SFRP1: variants seen among roughly 807,000 people sequenced by gnomAD.
SFRP1 encodes the protein secreted frizzled related protein 1, also known as secreted frizzled-related protein 1.
SFRP1 carries 9 observed loss-of-function variants against 25.9 expected under a neutral mutation model. That is an observed-to-expected ratio of 0.35 (90% confidence interval 0.21 to 0.61). The LOEUF is 0.61. SFRP1 is among the 20% of genes least tolerant of loss of function. The pLI, the probability that SFRP1 is intolerant of heterozygous loss-of-function variation, is 0.78. For missense variants in SFRP1, 346 were observed against 418.2 expected, an observed-to-expected ratio of 0.83 and a Z score of 1.51; for synonymous variants, 178 against 174.0, an observed-to-expected ratio of 1.02 and a Z score of -0.18.
intron 2 of SFRP1, among the ~76,000 whole-genome samples, chr8:41,288,554 AAAAAAAAAAAAAAAC>A (rs2117502507): frequency 6.9e-6 from 1 of 144,614 alleles, no homozygotes; most frequent in East Asian, 2.0e-4. Context: ...AAAAAAAAAA[AAAAAAAAAAAAAAAC>A]TGCAATGCAC....
At chr8:41,282,034 G>T (rs992319518) in intron 2 of SFRP1, among the ~76,000 whole-genome samples, 3 of 152,196 alleles carry the variant, frequency 2.0e-5, no homozygotes, top group Non-Finnish European at 4.4e-5. Flanking sequence ...GGCCAAGGGC[G>T]CAAAAGGTGG....
chr8:41,268,946 G>A (rs1337726824), intron 2 of SFRP1, among the ~76,000 whole-genome samples: 1 of 152,212 alleles, frequency 6.6e-6, no homozygotes. Context: ...GTAGCAGCTG[G>A]GGCAACAGCT....
intron 2 of SFRP1, among the ~76,000 whole-genome samples, chr8:41,292,972 CCTT>C (rs939172604): frequency 1.3e-5 from 2 of 152,350 alleles, no homozygotes; most frequent in African/African-American, 4.8e-5. Context: ...GGTCGAGACT[CCTT>C]CTAGCCAGCC....
chr8:41,278,278 G>A (rs1386601129), intron 2 of SFRP1, among the ~76,000 whole-genome samples: 1 of 152,210 alleles, frequency 6.6e-6, no homozygotes, highest in African/African-American at 2.4e-5. Flanking sequence ...TGGATAGCAA[G>A]AGGCAGCACA....
chr8:41,281,280 G>T (rs946404626), intron 2 of SFRP1, among the ~76,000 whole-genome samples: 1 of 152,240 alleles, frequency 6.6e-6, no homozygotes, highest in Non-Finnish European at 1.5e-5. Context: ...TCACCAGCAA[G>T]CTTTGCCCTG....
Position 41,265,152 on chromosome 8 carries a change from C to G in SFRP1, c.*15G>C. On this transcript the variant is annotated 3_prime_UTR_variant, in exon 3 of 3. Transcript: ENST00000220772. ...CCCCACCCGAGGCTCCCTCCCCACC[C>G]TGCCCCCGGGAGAATCACTTAAACA... 1.3e-6 allele frequency: 2 copies of G among 1,484,502 alleles called. No homozygotes were observed. The highest frequency in any genetic ancestry group is 9.1e-7 in the Non-Finnish European group (1 of 1,093,122). 92.0% of individuals were successfully genotyped at this position (1,484,502 alleles called of 1,614,324 possible). A position where few individuals can be genotyped will look rare whatever the true frequency, so the allele number is the denominator to read the frequency against.
intron 2 of SFRP1, among the ~76,000 whole-genome samples, chr8:41,302,268 C>T (rs1257636248): frequency 6.6e-6 from 1 of 152,168 alleles, no homozygotes; most frequent in Non-Finnish European, 1.5e-5. Flanking sequence ...CTCTGGTGGC[C>T]ATCTACATCC....
intron 2 of SFRP1, among the ~76,000 whole-genome samples, chr8:41,303,071 AAAG>A (rs1803947164): frequency 1.3e-5 from 2 of 149,622 alleles, no homozygotes; most frequent in Admixed American, 6.6e-5. Flanking sequence ...AAAAAAAAAA[AAAG>A]AGCCAGTCCG....
intron 2 of SFRP1, among the ~76,000 whole-genome samples, chr8:41,275,509 G>GT (rs34725036): frequency 0.16 from 22,542 of 142,910 alleles, 2,829 homozygotes; most frequent in East Asian, 0.38. Flanking sequence ...AACTCTTTTT[G>GT]TTTTTTTTTT....
At chr8:41,273,385 G>C (rs1233698917) in intron 2 of SFRP1, among the ~76,000 whole-genome samples, 2 of 132,046 alleles carry the variant, frequency 1.5e-5, no homozygotes, top group Non-Finnish European at 3.5e-5. Context: ...GATCTACTCA[G>C]GAGGGCTGAG....
At chr8:41,299,849 A>G (rs1204077562) in intron 2 of SFRP1, among the ~76,000 whole-genome samples, 1 of 152,026 alleles carries the variant, frequency 6.6e-6, no homozygotes, top group African/African-American at 2.4e-5. Context: ...TTCTGCAAGA[A>G]GTATGGTTTT....
At chr8:41,274,037 C>G (rs1803543153) in intron 2 of SFRP1, among the ~76,000 whole-genome samples, 1 of 152,202 alleles carries the variant, frequency 6.6e-6, no homozygotes. Context: ...GGCTCTGGGA[C>G]TTTGGGGCTT....
chr8:41,267,725 C>G (rs545869074), intron 2 of SFRP1, among the ~76,000 whole-genome samples: 1 of 152,288 alleles, frequency 6.6e-6, no homozygotes, highest in African/African-American at 2.4e-5. Flanking sequence ...AAAACTGAGG[C>G]ATAGGGGGTT....
intron 2 of SFRP1, among the ~76,000 whole-genome samples, chr8:41,296,016 G>C (rs1803839697): frequency 6.6e-6 from 1 of 152,252 alleles, no homozygotes; most frequent in African/African-American, 2.4e-5. Flanking sequence ...GGTGCCAGCA[G>C]TAAGAGGCAC....
intron 2 of SFRP1, among the ~76,000 whole-genome samples, chr8:41,289,954 G>T (rs528834466): frequency 6.6e-6 from 1 of 152,356 alleles, no homozygotes; most frequent in East Asian, 1.9e-4. Flanking sequence ...TGGAGACCAA[G>T]TCCCTGGGAA....
intron 2 of SFRP1, among the ~76,000 whole-genome samples, chr8:41,286,149 A>G (rs2117499550): frequency 6.6e-6 from 1 of 152,032 alleles, no homozygotes; most frequent in African/African-American, 2.4e-5. Context: ...GATGAACCCA[A>G]GAGAGAGAAA....
intron 2 of SFRP1, among the ~76,000 whole-genome samples, chr8:41,268,570 T>C (rs1467212664): frequency 6.6e-6 from 1 of 152,220 alleles, no homozygotes; most frequent in Non-Finnish European, 1.5e-5. Flanking sequence ...CTTTACTTCT[T>C]GTCTTGCCAC....
At chr8:41,276,858 G>A (rs1803577982) in intron 2 of SFRP1, 1 of 446,938 alleles carries the variant, frequency 2.2e-6, no homozygotes, top group African/African-American at 2.0e-5. Flanking sequence ...AGTAGAGATT[G>A]CAACTTTGCA....
chr8:41,282,560 ATAAATAAATAAAATAAAATTT>A lies in SFRP1; in HGVS notation c.623-17092_623-17072del, dbSNP rs1803646623. 2.0e-5 allele frequency among the ~76,000 whole-genome samples: 3 copies of A among 152,148 alleles called. No homozygotes were observed. The South Asian group carries it at 6.2e-4, about 31-fold the overall frequency. ...GTTTGGAAATCTGAAATAGAAAAAA[ATAAATAAATAAAATAAAATTT>A]TAAATAAAATAAAATTTTAAATAAA... On this transcript the variant is annotated intron_variant, in intron 2 of 2. Coordinates refer to ENST00000220772, the MANE Select transcript of SFRP1 (RefSeq NM_003012.5).
Sources: allele counts gnomAD v4.1 joint callset (sites outside exome capture counted in the v4.1 genomes callset), GRCh38; gene constraint gnomAD v4.1.1; transcripts MANE v1.5; gene names NCBI Gene and HGNC (gene_info 2026-07-23, HGNC 2026-07-21).